The following VIT variants were observed in gnomAD, a reference collection of about 807,000 sequenced individuals.
The protein encoded by VIT is vitrin.
VIT carries 99 observed loss-of-function variants against 78.0 expected under a neutral mutation model. That is an observed-to-expected ratio of 1.27 (90% CI 1.08 to 1.50). The LOEUF (loss-of-function observed/expected upper bound fraction) is 1.50, where lower values mean the gene tolerates loss of function less well. Among genes scored for constraint, VIT ranks in the 40% most tolerant of loss-of-function variants. VIT has a pLI of 0.00. For missense variants in VIT, 1,126 were observed against 875.3 expected (o/e 1.29, Z -3.61); for synonymous variants, 374 against 334.3 (o/e 1.12, Z -1.29).
rs1572503891 is a variant in VIT, at chr2:36,767,304, T to C, written c.679+19T>C. The C allele has an allele frequency of 6.7e-7, 1 of 1,503,600 alleles. No homozygotes were observed. Among genetic ancestry groups the C allele is most frequent in the Non-Finnish European group, 8.9e-7 (1 of 1,125,500 alleles). 93.1% of individuals were successfully genotyped at this position (1,503,600 alleles called of 1,614,324 possible). A position where few individuals can be genotyped will look rare whatever the true frequency, so the allele number is the denominator to read the frequency against. On this transcript the variant is annotated intron_variant, in intron 7 of 15. Transcript: ENST00000379242. ...GAGATGGGTCAGTAGGTAGACCATG[T>C]GTTGCTTTGTGCTAGGGAAATGGGA...
chr2:36,798,173 C>T (rs918117181), intron 12 of VIT, among the ~76,000 whole-genome samples: 1 of 152,094 alleles, frequency 6.6e-6, no homozygotes, highest in Admixed American at 6.5e-5. Flanking sequence ...TCAAGTTTAG[C>T]AATGGGAATT....
chr2:36,726,837 A>C (rs912502668), intron 2 of VIT, among the ~76,000 whole-genome samples: 12 of 149,392 alleles, frequency 8.0e-5, no homozygotes, highest in African/African-American at 9.8e-5. Context: ...AAAAAAAAAA[A>C]AAAAAACAAA....
intron 9 of VIT, among the ~76,000 whole-genome samples, chr2:36,779,177 G>A (rs577600933): frequency 2.6e-5 from 4 of 152,358 alleles, no homozygotes; most frequent in African/African-American, 9.6e-5. Flanking sequence ...CCGAGGTGCT[G>A]AAGCGATGAT....
At chr2:36,713,743 G>A (rs1030828411) in intron 1 of VIT, among the ~76,000 whole-genome samples, 8 of 152,186 alleles carry the variant, frequency 5.3e-5, no homozygotes, top group African/African-American at 1.9e-4. Context: ...CACGTGGGGT[G>A]TAAGAGAAAG....
chr2:36,776,040 G>A (rs1670026987), intron 9 of VIT, among the ~76,000 whole-genome samples: 1 of 152,188 alleles, frequency 6.6e-6, no homozygotes, highest in Non-Finnish European at 1.5e-5. Flanking sequence ...AAGTACATCT[G>A]GTCTAACTTC....
chr2:36,699,954 C>T (rs1664944669), intron 1 of VIT, among the ~76,000 whole-genome samples: 1 of 151,976 alleles, frequency 6.6e-6, no homozygotes, highest in Non-Finnish European at 1.5e-5. Context: ...TAAAATGGGT[C>T]TATTACTACT....
intron 3 of VIT, among the ~76,000 whole-genome samples, chr2:36,741,313 C>T (rs1324655862): frequency 6.6e-6 from 1 of 152,090 alleles, no homozygotes; most frequent in Non-Finnish European, 1.5e-5. Context: ...AGAAAATAGC[C>T]GGCGAGGAGG....
intron 6 of VIT, among the ~76,000 whole-genome samples, chr2:36,766,889 G>C (rs932545996): frequency 6.6e-6 from 1 of 152,190 alleles, no homozygotes; most frequent in African/African-American, 2.4e-5. Flanking sequence ...TATTGCTATT[G>C]AATCTTTGGT....
At chr2:36,736,644 G>T (rs10490664) in intron 3 of VIT, among the ~76,000 whole-genome samples, 26,794 of 152,170 alleles carry the variant, frequency 0.18, 3,026 homozygotes, top group Non-Finnish European at 0.26. Flanking sequence ...ATCCTGCAAA[G>T]TCTGTGTCCT....
At chr2:36,754,050 C>T (rs963162342) in intron 4 of VIT, among the ~76,000 whole-genome samples, 4 of 152,196 alleles carry the variant, frequency 2.6e-5, no homozygotes, top group Admixed American at 6.5e-5. Context: ...GGACACCACA[C>T]GTTGAGAACA....
At chr2:36,709,369 A>G (rs2148429986) in intron 1 of VIT, among the ~76,000 whole-genome samples, 1 of 152,270 alleles carries the variant, frequency 6.6e-6, no homozygotes, top group Middle Eastern at 3.4e-3. Context: ...AAAGCAAGAA[A>G]TAGTCTCTAC....
chr2:36,745,893 G>GTTC (rs1294529767), intron 4 of VIT, among the ~76,000 whole-genome samples: 1 of 152,148 alleles, frequency 6.6e-6, no homozygotes, highest in African/African-American at 2.4e-5. Flanking sequence ...AGTTCTCAAG[G>GTTC]GGAATGCTTC....
intron 4 of VIT, 56 bp downstream of exon 4, chr2:36,743,312 G>T: frequency 6.8e-7 from 1 of 1,471,696 alleles, no homozygotes; most frequent in Non-Finnish European, 9.1e-7. Flanking sequence ...TTGGCAGGGA[G>T]CCCCCATGCA....
intron 3 of VIT, among the ~76,000 whole-genome samples, chr2:36,730,658 T>C (rs1318729383): frequency 6.6e-6 from 1 of 152,238 alleles, no homozygotes; most frequent in Non-Finnish European, 1.5e-5. Flanking sequence ...TTATAGCTTA[T>C]ACTCATGTTC....
chr2:36,742,963 C>A, intron 3 of VIT, 137 bp from the exon 4 acceptor site: 2 of 1,049,598 alleles, frequency 1.9e-6, no homozygotes, highest in Non-Finnish European at 2.7e-6. Flanking sequence ...TCTTTGCTTT[C>A]ATTATAGGGA....
At chr2:36,709,736 A>G (rs1174259967) in intron 1 of VIT, among the ~76,000 whole-genome samples, 1 of 152,218 alleles carries the variant, frequency 6.6e-6, no homozygotes, top group Admixed American at 6.5e-5. Flanking sequence ...ACTGACATGC[A>G]GAGTGTGGAG....
At chr2:36,751,371 G>A (rs1230944046) in intron 4 of VIT, among the ~76,000 whole-genome samples, 1 of 152,212 alleles carries the variant, frequency 6.6e-6, no homozygotes, top group East Asian at 1.9e-4. Flanking sequence ...ACTCCAGCCT[G>A]GGTAACAGAG....
chr2:36,726,040 GC>G (rs1230372189), intron 2 of VIT, among the ~76,000 whole-genome samples: 1 of 149,806 alleles, frequency 6.7e-6, no homozygotes, highest in Non-Finnish European at 1.5e-5. Context: ...CTACAATCCA[GC>G]CTGGGTGACA....
chr2:36,745,607 C>A (rs977759821), intron 4 of VIT, among the ~76,000 whole-genome samples: 1 of 152,054 alleles, frequency 6.6e-6, no homozygotes, highest in African/African-American at 2.4e-5. Flanking sequence ...ATTTGGCTCT[C>A]AGCTTGAACA....
Sources: gnomAD v4.1 joint callset for allele counts (sites outside exome capture counted in the v4.1 genomes callset) on GRCh38, gnomAD v4.1.1 for gene constraint, MANE v1.5 for transcripts, NCBI Gene and HGNC (gene_info 2026-07-23, HGNC 2026-07-21) for gene names.